The following PROCA1 variants were observed in gnomAD, a reference collection of about 807,000 sequenced individuals.
PROCA1 encodes protein interacting with cyclin A1.
A neutral mutation model predicts 23.2 loss-of-function variants in PROCA1; 22 were observed. The observed-to-expected ratio is 0.95, with a 90% CI of 0.68 to 1.35. The LOEUF (loss-of-function observed/expected upper bound fraction) is 1.35, where lower values mean the gene tolerates loss of function less well. Among genes scored for constraint, PROCA1 ranks in the 40% most tolerant of loss-of-function variants. The pLI, the probability that PROCA1 is intolerant of heterozygous loss-of-function variation, is 0.00. For synonymous variants in PROCA1, 182 were observed against 179.2 expected (o/e 1.02, Z -0.12); for missense variants, 469 against 459.8 (o/e 1.02, Z -0.18).
At chr17:28,708,745 AACG>A (rs2032644336) in intron 1 of PROCA1, among the ~76,000 whole-genome samples, 1 of 150,200 alleles carries the variant, frequency 6.7e-6, no homozygotes, top group South Asian at 2.2e-4. Flanking sequence ...AAAAAAAAAA[AACG>A]ACATTTTGGG....
intron 4 of PROCA1, 34 bp downstream of exon 4, chr17:28,704,273 C>T: frequency 1.3e-6 from 2 of 1,594,094 alleles, no homozygotes; most frequent in Admixed American, 1.7e-5. Context: ...CCTGTAGAGG[C>T]CCCTTCCCCA....
At chr17:28,711,487 G>A in intron 1 of PROCA1, 83 bp downstream of exon 1, 1 of 1,207,458 alleles carries the variant, frequency 8.3e-7, no homozygotes, top group Non-Finnish European at 1.1e-6. Flanking sequence ...TCCCTCGTCG[G>A]TTTGCCGGCT....
In PROCA1 at chr17:28,703,747, C is replaced by G; in HGVS notation, c.906G>C (p.Glu302Asp). 6.2e-7 allele frequency: 1 copy of G among 1,614,150 alleles called. No individual in the cohort carries two copies. The highest frequency in any genetic ancestry group is 1.3e-5 in the African/African-American group (1 of 74,996). ...MSESSPESRE[E>D]LESEDSYNGR... ...CATTGTAACTGTCCTCGCTCTCCAG[C>G]TCTTCCCGGCTTTCTGGGCTGGACT... The change falls in exon 5 of 5, where the codon GAG (glutamate) becomes GAC (aspartate). Residue 302 changes from glutamate (E) to aspartate (D), a missense_variant. Glu to Asp is a conservative substitution (Grantham distance 45). Transcript: ENST00000682792.
At chr17:28,711,131 G>A (rs1195444330) in intron 1 of PROCA1, 1 of 1,185,452 alleles carries the variant, frequency 8.4e-7, no homozygotes, top group African/African-American at 1.6e-5. Flanking sequence ...TGATGCCACG[G>A]GTGGAACCCT....
Position 28,703,589 on chromosome 17 carries a change from G to T in PROCA1, c.1064C>A (p.Ser355Tyr). The T allele has an allele frequency of 6.2e-7, 1 of 1,614,200 alleles. No individual in the cohort carries two copies. The highest frequency in any genetic ancestry group is 8.5e-7 in the Non-Finnish European group (1 of 1,180,032). Reference protein sequence around the residue: ...SQARKVNKRKSPPGSNPNLS With the variant: ...SQARKVNKRKYPPGSNPNLS ...GAGGTTGGGGTTTGATCCTGGGGGA[G>T]ATTTTCTCTTGTTTACCTTCCTGGC... The change falls in exon 5 of 5, where the codon TCT becomes TAT. Residue 355 changes from serine to tyrosine, a missense_variant. Ser to Tyr is a moderately radical substitution (Grantham distance 144). Coordinates refer to ENST00000682792, the MANE Select transcript of PROCA1 (RefSeq NM_001366301.1).
chr17:28,706,748 G>A lies in PROCA1; in HGVS notation c.107C>T (p.Pro36Leu). The change falls in exon 2 of 5, where the codon CCC (proline) becomes CTC (leucine). Residue 36 changes from proline to leucine, a missense_variant. By Grantham distance (98) the Pro-to-Leu change is moderately conservative. Coordinates refer to ENST00000682792, the MANE Select transcript of PROCA1 (RefSeq NM_001366301.1). Reference sequence around the variant, plus strand: ...CAGCAGATGTCCTCTCTCCCAGCTGGGTAACCTGTTTACATCTGAGAGAGC... The same window carrying A: ...CAGCAGATGTCCTCTCTCCCAGCTGAGTAACCTGTTTACATCTGAGAGAGC... The part of the protein sequence containing the change: ...ESRCRDVNRL[P>L]SWERGHLLAG... 5.4e-6 allele frequency: 7 copies of A among 1,303,684 alleles called. No individual in the cohort carries two copies. Among genetic ancestry groups the A allele is most frequent in the Non-Finnish European group, 7.1e-6 (7 of 988,852 alleles). 80.8% of individuals were successfully genotyped at this position (1,303,684 alleles called of 1,614,324 possible).
chr17:28,704,224 G>A lies in PROCA1; in HGVS notation c.441-12C>T, dbSNP rs2032311933. On this transcript the variant is annotated splice_polypyrimidine_tract_variant and intron_variant, in intron 4 of 4. Transcript: ENST00000682792. ...TGTAGCTTTTGCACCTGGGAGAAGGGACAACGGGGGAAGTTTGACAGAGAG... is the reference window on the plus strand; with the variant it reads ...TGTAGCTTTTGCACCTGGGAGAAGGAACAACGGGGGAAGTTTGACAGAGAG... The A allele has an allele frequency of 1.3e-6, 2 of 1,554,604 alleles. No homozygotes were observed. Among genetic ancestry groups the A allele is most frequent in the East Asian group, 4.5e-5 (2 of 44,450 alleles).
chr17:28,704,179 C>T lies in PROCA1; in HGVS notation c.474G>A (p.Val158=). 6.5e-7 allele frequency: 1 copy of T among 1,541,326 alleles called. No individual in the cohort carries two copies. The highest frequency in any genetic ancestry group is 8.7e-7 in the Non-Finnish European group (1 of 1,148,894). Residue 158 remains valine (V), a synonymous_variant, in exon 5 of 5, where the codon GTG becomes GTA. Coordinates refer to ENST00000682792, the MANE Select transcript of PROCA1 (RefSeq NM_001366301.1). Reference sequence around the variant, plus strand: ...ACTCATGGTAGAGTGGATGGTGGATCACTGCCACAGAGACAGGTCTGTAGC... The same window carrying T: ...ACTCATGGTAGAGTGGATGGTGGATTACTGCCACAGAGACAGGTCTGTAGC... ...CKSYRPVSVA[V]IHHPLYHECG...
chr17:28,711,775 G>C lies in PROCA1; in HGVS notation c.-115C>G, dbSNP rs2032799266. On this transcript the variant is annotated 5_prime_UTR_variant, in exon 1 of 5. Coordinates refer to ENST00000682792, the MANE Select transcript of PROCA1 (RefSeq NM_001366301.1). ...GAACTCCAGTCTCGGCTTCGCCCCC[G>C]CCTAGCCCCTAACCCCGCCTCATGC... 1 of 847,650 alleles carries C rather than the reference G, an allele frequency of 1.2e-6. No individual in the cohort carries two copies. Among genetic ancestry groups the C allele is most frequent in the South Asian group, 1.9e-5 (1 of 51,594 alleles). The allele number at this position is 847,650 out of a possible 1,614,324, so 52.5% of individuals were successfully genotyped here. A position where few individuals can be genotyped will look rare whatever the true frequency, so the allele number is the denominator to read the frequency against.
chr17:28,708,731 G>GGAAAAAAAAAAAAA (rs2032639101), intron 1 of PROCA1, among the ~76,000 whole-genome samples: 1 of 100,980 alleles, frequency 9.9e-6, no homozygotes, highest in Non-Finnish European at 2.0e-5. Flanking sequence ...CCAGAAAAAG[G>GGAAAAAAAAAAAAA]AAAAAAAAAA....
At chr17:28,707,080 G>A in intron 1 of PROCA1, 1 of 313,868 alleles carries the variant, frequency 3.2e-6, no homozygotes, top group Non-Finnish European at 6.4e-6. Context: ...GACTATGGAA[G>A]ACTTCTTGGA....
In PROCA1 at chr17:28,704,791, C is replaced by T. The variant is rs1567714161; in HGVS notation, c.228G>A (p.Gly76=). 1.2e-6 allele frequency: 2 copies of T among 1,613,776 alleles called. No homozygotes were observed. Among genetic ancestry groups the T allele is most frequent in the Non-Finnish European group, 1.7e-6 (2 of 1,179,984 alleles). Residue 76 remains glycine (G), a synonymous_variant, in exon 3 of 5, where the codon GGG becomes GGA. Coordinates refer to ENST00000682792, the MANE Select transcript of PROCA1 (RefSeq NM_001366301.1). ...CAGAGGCGAAAGGGTAGATGATGTG[C>T]CCAGTGCACTGCTTGTGTCTCCAGC... ...KCCWRHKQCT[G]HIIYPFASDC...
In PROCA1 at chr17:28,707,680, C is replaced by T. The variant is rs140095339; in HGVS notation, c.92-917G>A. Among the ~76,000 whole-genome samples the T allele has an allele frequency of 2.1e-3, 327 of 152,246 alleles. 1 individual carries two copies. Among genetic ancestry groups the T allele is most frequent in the African/African-American group, 7.5e-3 (310 of 41,536 alleles). On this transcript the variant is annotated intron_variant, in intron 1 of 4. Coordinates refer to ENST00000682792, the MANE Select transcript of PROCA1 (RefSeq NM_001366301.1). ...TCCTTCTTTACTGGCTTCTTTTTTC[C>T]CCCCTTACAGGCTATAGACATCATA...
In PROCA1 at chr17:28,703,771, C is replaced by T. The variant is rs1567711268; in HGVS notation, c.882G>A (p.Glu294=). 6.2e-7 allele frequency: 1 copy of T among 1,614,154 alleles called. No homozygotes were observed. Among genetic ancestry groups the T allele is most frequent in the East Asian group, 2.2e-5 (1 of 44,878 alleles). ...GCTCTTCCCGGCTTTCTGGGCTGGA[C>T]TCGGACATCCTGGCCAGCTGTCTTG... ...LSARQLARMS[E]SSPESREELE... The change falls in exon 5 of 5, where the codon GAG becomes GAA. Residue 294 remains glutamate (E), a synonymous_variant. Coordinates refer to ENST00000682792, the MANE Select transcript of PROCA1 (RefSeq NM_001366301.1).
At chr17:28,706,795 C>T (rs1307540565) in intron 1 of PROCA1, 32 bp from the exon 2 acceptor site, 2 of 1,302,040 alleles carry the variant, frequency 1.5e-6, no homozygotes, top group Non-Finnish European at 2.0e-6. Flanking sequence ...GTGGTGGCAG[C>T]AGCCCCCTCC....
In PROCA1 at chr17:28,704,048, G is replaced by A. The variant is rs140256102; in HGVS notation, c.605C>T (p.Thr202Ile). The A allele has an allele frequency of 5.0e-4, 800 of 1,610,226 alleles. 7 individuals are homozygous for A. In the African/African-American group the frequency reaches 7.8e-3, roughly 16 times the overall value. Residue 202 changes from threonine to isoleucine, a missense_variant, in exon 5 of 5, where the codon ACC becomes ATC. Physicochemically the swap from Thr to Ile is moderately conservative, Grantham distance 89. Transcript: ENST00000682792. ...GTCAGGGGTACCAGTGGCCATGCTG[G>A]TGCCTAGGTCAGGGGAGGCGGTGGC... ...GPATASPDLG[T>I]SMATGTPDST...
chr17:28,709,324 T>C (rs1197958063), intron 1 of PROCA1, among the ~76,000 whole-genome samples: 1 of 151,856 alleles, frequency 6.6e-6, no homozygotes, highest in Admixed American at 6.6e-5. Flanking sequence ...GGCGGGATCT[T>C]GGCTCACTGC....
Position 28,703,576 on chromosome 17 carries a change from T to C in PROCA1, c.1077A>G (p.Ser359=), listed in dbSNP as rs776386574. 2.5e-6 allele frequency: 4 copies of C among 1,614,036 alleles called. No individual in the cohort carries two copies. The highest frequency in any genetic ancestry group is 3.4e-6 in the Non-Finnish European group (4 of 1,179,934). The change falls in exon 5 of 5, where the codon TCA becomes TCG. Residue 359 remains serine, a synonymous_variant. Coordinates refer to ENST00000682792, the MANE Select transcript of PROCA1 (RefSeq NM_001366301.1). ...KVNKRKSPPG[S]NPNLS ...CCTGGCCTCAACTGAGGTTGGGGTTTGATCCTGGGGGAGATTTTCTCTTGT... is the reference window on the plus strand; with the variant it reads ...CCTGGCCTCAACTGAGGTTGGGGTTCGATCCTGGGGGAGATTTTCTCTTGT...
chr17:28,711,505 T>A (rs1162660744), intron 1 of PROCA1, 65 bp downstream of exon 1: 6 of 1,378,460 alleles, frequency 4.4e-6, no homozygotes, highest in Non-Finnish European at 5.9e-6. Context: ...GCTTCCCGCG[T>A]GCGCCGCTCG....
Sources: gnomAD v4.1 joint callset for allele counts (sites outside exome capture counted in the v4.1 genomes callset) on GRCh38, gnomAD v4.1.1 for gene constraint, MANE v1.5 for transcripts, NCBI Gene and HGNC (gene_info 2026-07-23, HGNC 2026-07-21) for gene names.